Variants in SCRIB observed in about 807,000 individuals in gnomAD.
SCRIB encodes the protein protein scribble homolog.
In SCRIB, 72 loss-of-function variants were observed where a neutral mutation model predicts 170.0. The ratio of observed to expected loss-of-function variants is 0.42; its 90% CI spans 0.35 to 0.52. The LOEUF (loss-of-function observed/expected upper bound fraction) is 0.52, where lower values mean the gene tolerates loss of function less well. Among genes scored for constraint, SCRIB ranks in the 20% least tolerant of loss-of-function variants. The pLI is 0.02. For synonymous variants in SCRIB, 1,298 were observed against 1,044.3 expected, an observed-to-expected ratio of 1.24 and a Z score of -4.68; for missense variants, 2,475 against 2,338.5, an observed-to-expected ratio of 1.06 and a Z score of -1.20.
rs1289175791 is a variant in SCRIB at position 143,812,877 on chromosome 8, C to G, written c.727G>C (p.Val243Leu). ...EELPAELGGL[V>L]LLTDLLLSQN... is the part of the protein sequence containing the mutation. ...GACAGCAGCAGGTCAGTGAGCAGCA[C>G]CAGCCCGCCGAGCTCAGCAGGCAGC... Residue 243 changes from valine to leucine, a missense_variant, in exon 8 of 37, where the codon GTG (valine) becomes CTG (leucine). Around this residue, in one of 3 missense-constraint regions of SCRIB, gnomAD observed 487 missense variants for 558.1 expected, o/e 0.87. Coordinates refer to ENST00000356994, the MANE Select transcript of SCRIB (RefSeq NM_182706.5). 6.2e-7 allele frequency: 1 copy of G among 1,608,820 alleles called. No individual in the cohort carries two copies.
chr8:143,791,960 T>A, intron 33 of SCRIB, 31 bp downstream of exon 33: 1 of 1,482,148 alleles, frequency 6.7e-7, no homozygotes, highest in Non-Finnish European at 8.9e-7. Context: ...TGCGGCAGGC[T>A]GACCCCCCCG....
Position 143,813,917 on chromosome 8 carries a change from G to T in SCRIB, c.278-21C>A, listed in dbSNP as rs767063454. On this transcript the variant is annotated intron_variant, in intron 2 of 36. Transcript: ENST00000356994. ...GATATCTGTCACAGAGGGTCACAGT[G>T]GACAGATGCCATGGCCTGCAGGCCG... The T allele has an allele frequency of 8.7e-6, 14 of 1,603,702 alleles. No homozygotes were observed. The African/African-American group carries it at 1.2e-4, about 14-fold the overall frequency.
At chr8:143,803,338 G>A in intron 24 of SCRIB, 45 bp downstream of exon 24, 4 of 1,492,508 alleles carry the variant, frequency 2.7e-6, no homozygotes, top group Non-Finnish European at 3.6e-6. Context: ...CAACACCTTG[G>A]GCTGGGCCAG....
Position 143,803,763 on chromosome 8 carries a change from C to A in SCRIB, c.3298G>T (p.Glu1100Ter). The change falls in exon 23 of 37, where the codon GAA (glutamate) becomes TAA (stop). Residue 1100 changes from glutamate to a stop codon, truncating the protein, a stop_gained. Transcript: ENST00000356994. LOFTEE classifies it high-confidence loss of function. The stretch of plus-strand genomic sequence containing the variant: ...CCAGGTGCCTTCTGGATGCACAGTT[C>A]CCGTAGGCCCGGGGGTGCCGGGTCC... ...RRDPAPPGLR[E>*]LCIQKAPGER... is the part of the protein sequence containing the mutation. 6.2e-7 allele frequency: 1 copy of A among 1,601,356 alleles called. No homozygotes were observed. The highest frequency in any genetic ancestry group is 8.5e-7 in the Non-Finnish European group (1 of 1,179,290).
intron 18 of SCRIB, 63 bp downstream of exon 18, chr8:143,806,344 C>G: frequency 1.5e-6 from 2 of 1,333,544 alleles, no homozygotes; most frequent in Non-Finnish European, 2.1e-6. Context: ...CACCCTAATA[C>G]CAGGGACCAT....
rs1466358614 is a variant in SCRIB, at chr8:143,815,505, G to C, written c.-133C>G. 2.0e-6 allele frequency: 2 copies of C among 988,482 alleles called. No homozygotes were observed. Among genetic ancestry groups the C allele is most frequent in the Non-Finnish European group, 2.4e-6 (2 of 832,886 alleles). The allele number at this position is 988,482 out of a possible 1,614,324, so 61.2% of individuals were successfully genotyped here. ...GGGGGCGGGCCGCCCGAGACTGGAC[G>C]GGGACGCGGCCGCGGCCGGCGCTGG... On this transcript the variant is annotated 5_prime_UTR_variant, in exon 1 of 37. Coordinates refer to ENST00000356994, the MANE Select transcript of SCRIB (RefSeq NM_182706.5).
At chr8:143,796,554 G>A (rs1016348621) in intron 24 of SCRIB, among the ~76,000 whole-genome samples, 8 of 152,178 alleles carry the variant, frequency 5.3e-5, no homozygotes, top group Non-Finnish European at 7.3e-5. Flanking sequence ...GACGGATGCC[G>A]TCACCACAGA....
intron 1 of SCRIB, chr8:143,814,803 G>A (rs1168753591): frequency 1.0e-5 from 2 of 197,682 alleles, no homozygotes; most frequent in African/African-American, 4.6e-5. Context: ...CGAGAGCAAA[G>A]AGTACATCAA....
chr8:143,808,678 A>G lies in SCRIB; in HGVS notation c.2046T>C (p.Ala682=), dbSNP rs1043330016. The G allele has an allele frequency of 1.3e-6, 2 of 1,540,432 alleles. No individual in the cohort carries two copies. The highest frequency in any genetic ancestry group is 2.1e-5 in the Admixed American group (1 of 48,354). ...EEEEEEEENR[A]EEEEASTEEE... ...CCTCAGTGCTGGCCTCTTCCTCTTCAGCCCTGTTTTCCTCCTCCTCCTCTT... is the reference window on the plus strand; with the variant it reads ...CCTCAGTGCTGGCCTCTTCCTCTTCGGCCCTGTTTTCCTCCTCCTCCTCTT... Residue 682 remains alanine, a synonymous_variant, in exon 15 of 37, where the codon GCT becomes GCC. Coordinates refer to ENST00000356994, the MANE Select transcript of SCRIB (RefSeq NM_182706.5).
In SCRIB at chr8:143,792,415, G is replaced by A; in HGVS notation, c.4329-10C>T. The A allele has an allele frequency of 6.6e-7, 1 of 1,508,156 alleles. No individual in the cohort carries two copies. The highest frequency in any genetic ancestry group is 1.3e-5 in the South Asian group (1 of 77,928). The allele number at this position is 1,508,156 out of a possible 1,614,324, so 93.4% of individuals were successfully genotyped here. ...GGACGCCGGGCTCTGCCTGGGGAAGGGACAGGACGTGCTGTGGGGGGCAGG... is the reference window on the plus strand; with the variant it reads ...GGACGCCGGGCTCTGCCTGGGGAAGAGACAGGACGTGCTGTGGGGGGCAGG... On this transcript the variant is annotated splice_polypyrimidine_tract_variant and intron_variant, in intron 31 of 36. Coordinates refer to ENST00000356994, the MANE Select transcript of SCRIB (RefSeq NM_182706.5).
Position 143,803,499 on chromosome 8 carries a change from G to C in SCRIB, c.3487C>G (p.Gln1163Glu), listed in dbSNP as rs138257744. ...CCGTGCGTCAGGCCCAGCAGGCTCT[G>C]CTGGTTCACCTCCAACAGCCGCAAA... ...VGLRLLEVNQ[Q>E]SLLGLTHGEA... Residue 1163 changes from glutamine (Q) to glutamate (E), a missense_variant, in exon 24 of 37, where the codon CAG (glutamine) becomes GAG (glutamate). By Grantham distance (29) the Gln-to-Glu change is conservative. Around this residue, in one of 3 missense-constraint regions of SCRIB, gnomAD observed 1,966 missense variants for 1,742.9 expected, o/e 1.13. Transcript: ENST00000356994. 6.4e-4 allele frequency: 1,022 copies of C among 1,602,466 alleles called. 11 individuals are homozygous for C. The East Asian group carries it at 0.018, about 29-fold the overall frequency.
rs540486777 is a variant in SCRIB, at chr8:143,809,417, C to T, written c.1698+134G>A. 204 of 1,038,472 alleles carry T rather than the reference C, an allele frequency of 2.0e-4. 2 individuals are homozygous for T. In the South Asian group the frequency reaches 2.8e-3, roughly 14 times the overall value. 64.3% of individuals were successfully genotyped at this position (1,038,472 alleles called of 1,614,324 possible). On this transcript the variant is annotated intron_variant, in intron 14 of 36. Transcript: ENST00000356994. ...CTGCACCACCCGTAGCCACTCTGTA[C>T]AGGGCAGCTCCCCGAAGCATCAGCA... is the stretch of plus-strand genomic sequence containing the variant.
At position 143,812,918 on chromosome 8, in the gene SCRIB, T is replaced by C. The variant is rs771314329; in HGVS notation, c.686A>G (p.Glu229Gly). 163 of 1,612,418 alleles carry C rather than the reference T, an allele frequency of 1.0e-4. No individual in the cohort carries two copies. Among genetic ancestry groups the C allele is most frequent in the Non-Finnish European group, 1.3e-4 (152 of 1,179,920 alleles). ...LRRLVCLDVS[E>G]NRLEELPAEL... is the part of the protein sequence containing the mutation. ...AGCAGGCAGCTCCTCCAGCCGGTTT[T>C]CCGACACGTCCAGGCACACCAGGCG... Residue 229 changes from glutamate (E) to glycine (G), a missense_variant, in exon 8 of 37, where the codon GAA (glutamate) becomes GGA (glycine). By Grantham distance (98) the Glu-to-Gly change is moderately conservative (BLOSUM62 -2). This residue lies in a region of SCRIB where 487 missense variants were observed against 558.1 expected (regional missense o/e 0.87). Transcript: ENST00000356994.
Position 143,803,944 on chromosome 8 carries a change from T to A in SCRIB, c.3121-4A>T. Reference sequence around the variant, plus strand: ...CGGCCAGGCCCCGCGGGAGCACCTGTCAGGGAGGAGGGTGGCAGCTGGTGG... The same window carrying A: ...CGGCCAGGCCCCGCGGGAGCACCTGACAGGGAGGAGGGTGGCAGCTGGTGG... On this transcript the variant is annotated splice_polypyrimidine_tract_variant and splice_region_variant and intron_variant, in intron 22 of 36. Transcript: ENST00000356994. The A allele has an allele frequency of 6.3e-7, 1 of 1,576,892 alleles. No homozygotes were observed. Among genetic ancestry groups the A allele is most frequent in the East Asian group, 2.3e-5 (1 of 43,850 alleles).
chr8:143,791,963 C>G lies in SCRIB; in HGVS notation c.4657+28G>C, dbSNP rs1206995585. Reference sequence around the variant, plus strand: ...GGAAGCAGCCCATGCGGCAGGCTGACCCCCCCGACCTGCCCTGACCCACAG... The same window carrying G: ...GGAAGCAGCCCATGCGGCAGGCTGAGCCCCCCGACCTGCCCTGACCCACAG... On this transcript the variant is annotated intron_variant, in intron 33 of 36. Coordinates refer to ENST00000356994, the MANE Select transcript of SCRIB (RefSeq NM_182706.5). 5 of 1,446,082 alleles carry G rather than the reference C, an allele frequency of 3.5e-6. No homozygotes were observed. In the African/African-American group the frequency reaches 8.7e-5, roughly 25 times the overall value. The allele number at this position is 1,446,082 out of a possible 1,614,324, so 89.6% of individuals were successfully genotyped here.
intron 18 of SCRIB, among the ~76,000 whole-genome samples, chr8:143,805,929 C>G (rs1554636455): frequency 6.6e-6 from 1 of 152,184 alleles, no homozygotes; most frequent in East Asian, 1.9e-4. Context: ...CAGTGTGTCC[C>G]TACAAGAAGG....
chr8:143,814,974 C>G (rs1312646210), intron 1 of SCRIB: 1 of 505,370 alleles, frequency 2.0e-6, no homozygotes, highest in African/African-American at 2.0e-5. Context: ...CACTCTGAGG[C>G]TCCGCCTCCA....
intron 24 of SCRIB, 139 bp downstream of exon 24, chr8:143,803,244 C>T (rs1364467767): frequency 2.4e-5 from 19 of 808,350 alleles, no homozygotes; most frequent in East Asian, 8.5e-5. Context: ...CCAGCCCGCA[C>T]GGCTGATGCA....
chr8:143,792,430 TG>T (rs782393244), intron 31 of SCRIB, 25 bp from the exon 32 acceptor site: 5 of 1,479,868 alleles, frequency 3.4e-6, no homozygotes, highest in South Asian at 1.3e-5. Context: ...GGACGTGCTG[TG>T]GGGGGCAGGG....
Sources: gnomAD v4.1 joint callset for allele counts (sites outside exome capture counted in the v4.1 genomes callset) on GRCh38, gnomAD v4.1.1 for gene constraint, gnomAD v4.1.1 regional missense constraint, MANE v1.5 for transcripts, NCBI Gene and HGNC (gene_info 2026-07-23, HGNC 2026-07-21) for gene names.